The following TNFRSF1B variants were observed in gnomAD, a reference collection of about 807,000 sequenced individuals.
The protein encoded by TNFRSF1B is tumor necrosis factor receptor superfamily member 1B.
TNFRSF1B carries 19 observed loss-of-function variants against 44.6 expected under a neutral mutation model. The observed-to-expected ratio is 0.43, with a 90% CI of 0.30 to 0.62. The LOEUF (loss-of-function observed/expected upper bound fraction) is 0.62. Among genes scored for constraint, TNFRSF1B ranks in the 20% least tolerant of loss-of-function variants. The pLI, the probability that TNFRSF1B is intolerant of heterozygous loss-of-function variation, is 0.16. For missense variants in TNFRSF1B, 541 were observed against 619.9 expected (o/e 0.87, Z 1.35); for synonymous variants, 252 against 261.1 (o/e 0.97, Z 0.34).
chr1:12,191,595 A>G (rs1639132117), intron 3 of TNFRSF1B, 179 bp from the exon 4 acceptor site: 4 of 707,670 alleles, frequency 5.7e-6, no homozygotes, highest in South Asian at 1.7e-5. Flanking sequence ...GGGACTGCGG[A>G]GAGTAGCAGG....
intron 1 of TNFRSF1B, among the ~76,000 whole-genome samples, chr1:12,172,045 C>T (rs1638534929): frequency 6.6e-6 from 1 of 152,074 alleles, no homozygotes; most frequent in African/African-American, 2.4e-5. Flanking sequence ...GGGTCCTCTC[C>T]CCAAATTGCT....
In TNFRSF1B at chr1:12,208,311, A is replaced by G. The variant is rs1321822893; in HGVS notation, c.*1291A>G. On this transcript the variant is annotated 3_prime_UTR_variant, in exon 10 of 10. Coordinates refer to ENST00000376259, the MANE Select transcript of TNFRSF1B (RefSeq NM_001066.3). ...TCAGCCTAGACCCTCCTCCTCCCCC[A>G]GAGGGGTGGGTTCCTCTTCCCCACT... The G allele has an allele frequency of 6.5e-6, 1 of 152,724 alleles. No homozygotes were observed. Among genetic ancestry groups the G allele is most frequent in the African/African-American group, 2.4e-5 (1 of 41,436 alleles). The allele number at this position is 152,724 out of a possible 1,614,324, so 9.5% of individuals were successfully genotyped here. A position where few individuals can be genotyped will look rare whatever the true frequency, so the allele number is the denominator to read the frequency against.
At chr1:12,176,435 T>A (rs1177002297) in intron 1 of TNFRSF1B, among the ~76,000 whole-genome samples, 1 of 152,186 alleles carries the variant, frequency 6.6e-6, no homozygotes, top group Non-Finnish European at 1.5e-5. Context: ...ACTTTACATG[T>A]GTTATTTAAT....
Position 12,180,585 on chromosome 1 carries a change from C to T in TNFRSF1B, c.79-8211C>T, listed in dbSNP as rs146019109. Among the ~76,000 whole-genome samples the T allele has an allele frequency of 6.6e-6, 1 of 152,220 alleles. No individual in the cohort carries two copies. Among genetic ancestry groups the T allele is most frequent in the African/African-American group, 2.4e-5 (1 of 41,458 alleles). ...CCTGGCCACCTGGCCCTGCCCCTTACCAGCTAAGGGCTCCAGCAGAGTCCT... is the reference window on the plus strand; with the variant it reads ...CCTGGCCACCTGGCCCTGCCCCTTATCAGCTAAGGGCTCCAGCAGAGTCCT... On this transcript the variant is annotated intron_variant, in intron 1 of 9. Coordinates refer to ENST00000376259, the MANE Select transcript of TNFRSF1B (RefSeq NM_001066.3). The surrounding 1 kb of genome is among the most constrained non-coding windows in gnomAD (Gnocchi z 4.3).
Position 12,169,328 on chromosome 1 carries a change from C to G in TNFRSF1B, c.78+2159C>G, listed in dbSNP as rs1638470699. On this transcript the variant is annotated intron_variant, in intron 1 of 9. Coordinates refer to ENST00000376259, the MANE Select transcript of TNFRSF1B (RefSeq NM_001066.3). The surrounding 1 kb of genome is among the most constrained non-coding windows in gnomAD (Gnocchi z 4.5). The stretch of plus-strand genomic sequence containing the variant: ...CTGATTTCTGAACACCCACTAAACA[C>G]CAGGCACTGGGCTAGGTACTTTGTC... Among the ~76,000 whole-genome samples the G allele has an allele frequency of 6.6e-6, 1 of 152,184 alleles. No individual in the cohort carries two copies. Among genetic ancestry groups the G allele is most frequent in the Non-Finnish European group, 1.5e-5 (1 of 68,036 alleles).
chr1:12,179,428 C>T (rs893497964), intron 1 of TNFRSF1B, among the ~76,000 whole-genome samples: 8 of 152,210 alleles, frequency 5.3e-5, no homozygotes, highest in East Asian at 1.9e-4. Flanking sequence ...CCTCCCACCA[C>T]GCCCTAGGGG....
intron 1 of TNFRSF1B, among the ~76,000 whole-genome samples, chr1:12,185,064 G>A (rs549765177): frequency 2.8e-4 from 42 of 152,286 alleles, no homozygotes; most frequent in African/African-American, 9.4e-4. Flanking sequence ...GCAGTTTGGG[G>A]GTTTGCCGAG....
chr1:12,183,707 TCTATTCTATCTACCTA>T (rs1343411021), intron 1 of TNFRSF1B, among the ~76,000 whole-genome samples: 21 of 106,998 alleles, frequency 2.0e-4, no homozygotes, highest in Middle Eastern at 5.0e-3. Context: ...TATCTATCTA[TCTATTCTATCTACCTA>T]TCTATCTATC....
intron 9 of TNFRSF1B, 57 bp from the exon 10 acceptor site, chr1:12,206,683 C>A: frequency 6.7e-7 from 1 of 1,497,400 alleles, no homozygotes; most frequent in Middle Eastern, 1.8e-4. Flanking sequence ...GGCAGGGGTC[C>A]CTGGGCCCCA....
intron 8 of TNFRSF1B, among the ~76,000 whole-genome samples, chr1:12,201,487 G>A (rs1438065900): frequency 7.0e-6 from 1 of 142,556 alleles, no homozygotes; most frequent in African/African-American, 2.5e-5. Flanking sequence ...AAAAAAAAAA[G>A]GCACAGAGAG....
rs1639139527 is a variant in TNFRSF1B, at chr1:12,191,798, C to G, written c.332C>G (p.Thr111Ser). 1 of 1,613,580 alleles carries G rather than the reference C, an allele frequency of 6.2e-7. No individual in the cohort carries two copies. Among genetic ancestry groups the G allele is most frequent in the Non-Finnish European group, 8.5e-7 (1 of 1,179,806 alleles). Residue 111 changes from threonine (T) to serine (S), a missense_variant, in exon 4 of 10, where the codon ACT becomes AGT. Coordinates refer to ENST00000376259, the MANE Select transcript of TNFRSF1B (RefSeq NM_001066.3). Reference protein sequence around the residue: ...SSDQVETQACTREQNRICTCR... With the variant: ...SSDQVETQACSREQNRICTCR... Reference sequence around the variant, plus strand: ...GACCAGGTGGAAACTCAAGCCTGCACTCGGGAACAGAACCGCATCTGCACC... The same window carrying G: ...GACCAGGTGGAAACTCAAGCCTGCAGTCGGGAACAGAACCGCATCTGCACC...
At chr1:12,185,964 G>C (rs1326708271) in intron 1 of TNFRSF1B, among the ~76,000 whole-genome samples, 10 of 152,212 alleles carry the variant, frequency 6.6e-5, no homozygotes, top group Non-Finnish European at 1.5e-4. Context: ...GGTGGGGTGC[G>C]GGCAGGGAGC....
rs1638470927 is a variant in TNFRSF1B, at chr1:12,169,339, G to A, written c.78+2170G>A. Among the ~76,000 whole-genome samples, 3 of 152,174 alleles carry A rather than the reference G, an allele frequency of 2.0e-5. No individual in the cohort carries two copies. Among genetic ancestry groups the A allele is most frequent in the African/African-American group, 4.8e-5 (2 of 41,430 alleles). On this transcript the variant is annotated intron_variant, in intron 1 of 9. Coordinates refer to ENST00000376259, the MANE Select transcript of TNFRSF1B (RefSeq NM_001066.3). This position sits in a 1 kb window ranked among gnomAD's most constrained non-coding sequence, Gnocchi z 4.5. ...ACACCCACTAAACACCAGGCACTGG[G>A]CTAGGTACTTTGTCACAAAATTTCA... is the stretch of plus-strand genomic sequence containing the variant.
rs1183736686 is a variant in TNFRSF1B, at chr1:12,177,540, C to T, written c.78+10371C>T. 6.6e-6 allele frequency among the ~76,000 whole-genome samples: 1 copy of T among 152,112 alleles called. No individual in the cohort carries two copies. The highest frequency in any genetic ancestry group is 1.9e-4 in the East Asian group (1 of 5,192). On this transcript the variant is annotated intron_variant, in intron 1 of 9. Transcript: ENST00000376259. The surrounding 1 kb of genome is among the most constrained non-coding windows in gnomAD (Gnocchi z 4.3). ...CGCTGCTACCCCTGTGCCTCCAGAC[C>T]CCTCGAGCTCCTCCCAGACCTTTGG... is the stretch of plus-strand genomic sequence containing the variant.
rs143847687 is a variant in TNFRSF1B, at chr1:12,194,666, C to T, written c.900+48C>T. 4.8e-4 allele frequency: 766 copies of T among 1,608,798 alleles called. 3 individuals are homozygous for T. The African/African-American group carries it at 5.4e-3, about 11-fold the overall frequency. ...CCCCCTCTTCCCCTGGTCTCCTTCC[C>T]GGCGTGCTGGGCTGTCACAGAGGAA... On this transcript the variant is annotated intron_variant, in intron 8 of 9. Transcript: ENST00000376259.
chr1:12,180,580 C>T lies in TNFRSF1B; in HGVS notation c.79-8216C>T, dbSNP rs112348734. ...CCTGCCCTGGCCACCTGGCCCTGCCCCTTACCAGCTAAGGGCTCCAGCAGA... is the reference window on the plus strand; with the variant it reads ...CCTGCCCTGGCCACCTGGCCCTGCCTCTTACCAGCTAAGGGCTCCAGCAGA... On this transcript the variant is annotated intron_variant, in intron 1 of 9. Coordinates refer to ENST00000376259, the MANE Select transcript of TNFRSF1B (RefSeq NM_001066.3). The surrounding 1 kb of genome is among the most constrained non-coding windows in gnomAD (Gnocchi z 4.3). 2.6e-5 allele frequency among the ~76,000 whole-genome samples: 4 copies of T among 152,294 alleles called. No homozygotes were observed. Among genetic ancestry groups the T allele is most frequent in the African/African-American group, 9.6e-5 (4 of 41,566 alleles).
chr1:12,186,727 G>A lies in TNFRSF1B; in HGVS notation c.79-2069G>A, dbSNP rs1265130124. ...ATGACTGCAGCTGGCAGTACAGTGG[G>A]GAGTGCGCCAGCCCTGGCTCTGACC... On this transcript the variant is annotated intron_variant, in intron 1 of 9. Coordinates refer to ENST00000376259, the MANE Select transcript of TNFRSF1B (RefSeq NM_001066.3). This position sits in a 1 kb window ranked among gnomAD's most constrained non-coding sequence, Gnocchi z 4.8. 6.6e-6 allele frequency among the ~76,000 whole-genome samples: 1 copy of A among 152,224 alleles called. No homozygotes were observed.
rs142879753 is a variant in TNFRSF1B at position 12,206,826 on chromosome 1, T to C, written c.1192T>C (p.Ser398Pro). ...CAGCTCTGACCACAGCTCACAGTGC[T>C]CCTCCCAAGCCAGCTCCACAATGGG... ...CSSSDHSSQCSSQASSTMGDT... is the reference protein window; with the variant it reads ...CSSSDHSSQCPSQASSTMGDT... The change falls in exon 10 of 10, where the codon TCC (serine) becomes CCC (proline). Residue 398 changes from serine to proline, a missense_variant. Ser to Pro is a moderately conservative substitution (Grantham distance 74, BLOSUM62 -1). Transcript: ENST00000376259. 96 of 1,614,030 alleles carry C rather than the reference T, an allele frequency of 5.9e-5. No individual in the cohort carries two copies. In the African/African-American group the frequency reaches 1.1e-3, roughly 18 times the overall value.
chr1:12,188,660 A>C (rs41278642), intron 1 of TNFRSF1B, 136 bp from the exon 2 acceptor site: 4 of 763,438 alleles, frequency 5.2e-6, no homozygotes, highest in Non-Finnish European at 8.5e-6. Flanking sequence ...CTCCAGGGGG[A>C]GAAACCTCCC....
Sources: allele counts gnomAD v4.1 joint callset (sites outside exome capture counted in the v4.1 genomes callset), GRCh38; gene constraint gnomAD v4.1.1; non-coding constraint Gnocchi (gnomAD v3.1); transcripts MANE v1.5; gene names NCBI Gene and HGNC (gene_info 2026-07-23, HGNC 2026-07-21).